POMP: variants seen among roughly 807,000 people sequenced by gnomAD.
POMP encodes 2510048O06Rik.
Under a neutral mutation model 20.6 loss-of-function variants are expected in POMP, and 12 were observed. That is an observed-to-expected ratio of 0.58 (90% CI 0.37 to 0.94). POMP has a LOEUF of 0.94. POMP is among the 40% of genes least tolerant of loss of function. The pLI, the probability that POMP is intolerant of heterozygous loss-of-function variation, is 0.01. For synonymous variants in POMP, 53 were observed against 55.0 expected, an observed-to-expected ratio of 0.96 and a Z score of 0.16; for missense variants, 136 against 161.1, an observed-to-expected ratio of 0.84 and a Z score of 0.84.
intron 5 of POMP, among the ~76,000 whole-genome samples, chr13:28,675,360 A>G (rs1201914118): frequency 6.6e-6 from 1 of 152,068 alleles, no homozygotes; most frequent in Non-Finnish European, 1.5e-5. Context: ...GCTGGTCTCA[A>G]ATTCCTGACC....
intron 4 of POMP, among the ~76,000 whole-genome samples, chr13:28,671,239 T>C (rs1771179): frequency 0.044 from 6,764 of 152,214 alleles, 507 homozygotes; most frequent in African/African-American, 0.15. Context: ...TTCTGAACCT[T>C]AGATTTTTTA....
intron 5 of POMP, among the ~76,000 whole-genome samples, chr13:28,672,659 G>A (rs1440980724): frequency 6.6e-6 from 1 of 152,174 alleles, no homozygotes; most frequent in Non-Finnish European, 1.5e-5. Context: ...CACTTTGGGA[G>A]GCCGGGGTGG....
chr13:28,663,697 T>C (rs991884837), intron 2 of POMP, among the ~76,000 whole-genome samples: 1 of 152,188 alleles, frequency 6.6e-6, no homozygotes, highest in African/African-American at 2.4e-5. Context: ...TTCAGTTTTG[T>C]AGTAAAAAAA....
At chr13:28,671,864 A>G (rs1332553757) in intron 4 of POMP, among the ~76,000 whole-genome samples, 3 of 152,144 alleles carry the variant, frequency 2.0e-5, no homozygotes, top group Admixed American at 6.6e-5. Flanking sequence ...CTGTGGGAAT[A>G]TCAAAAATTA....
chr13:28,668,654 C>T (rs1193573149), intron 4 of POMP, 80 bp downstream of exon 4: 2 of 1,068,446 alleles, frequency 1.9e-6, no homozygotes, highest in Non-Finnish European at 2.9e-6. Context: ...CTATTTATAC[C>T]TTATCTACCT....
intron 5 of POMP, among the ~76,000 whole-genome samples, chr13:28,673,070 C>CTT (rs34619603): frequency 0.013 from 1,611 of 126,494 alleles, 31 homozygotes; most frequent in African/African-American, 0.042. Flanking sequence ...AGGAATCTGT[C>CTT]TTTTTTTTTT....
Position 28,668,578 on chromosome 13 carries a change from A to G in POMP, c.264+4A>G, listed in dbSNP as rs774295421. 2 of 1,578,346 alleles carry G rather than the reference A, an allele frequency of 1.3e-6. No homozygotes were observed. Among genetic ancestry groups the G allele is most frequent in the Non-Finnish European group, 1.7e-6 (2 of 1,147,548 alleles). Reference sequence around the variant, plus strand: ...GGAATTCAAGGCAGTGCAGCAGGTGAGTTGATGGATCTCTGTTGCATATGT... The same window carrying G: ...GGAATTCAAGGCAGTGCAGCAGGTGGGTTGATGGATCTCTGTTGCATATGT... On this transcript the variant is annotated splice_donor_region_variant and intron_variant, in intron 4 of 5. Transcript: ENST00000380842.
chr13:28,660,566 C>G (rs971274806), intron 1 of POMP, among the ~76,000 whole-genome samples: 1 of 152,170 alleles, frequency 6.6e-6, no homozygotes, highest in Non-Finnish European at 1.5e-5. Flanking sequence ...GTAACCCCAT[C>G]ATAAGTCAAG....
chr13:28,670,429 C>T (rs1446244630), intron 4 of POMP, among the ~76,000 whole-genome samples: 1 of 152,166 alleles, frequency 6.6e-6, no homozygotes, highest in Non-Finnish European at 1.5e-5. Flanking sequence ...GGTCCTTGCC[C>T]CTGTCAGACT....
Position 28,668,497 on chromosome 13 carries a change from A to C in POMP, c.187A>C (p.Asn63His). The C allele has an allele frequency of 6.2e-7, 1 of 1,611,098 alleles. No individual in the cohort carries two copies. ...KNFQLNQDKM[N>H]FSTLRNIQGL... Reference sequence around the variant, plus strand: ...GTTCCAGCTCAACCAAGATAAAATGAATTTTTCCACACTGAGAAACATTCA... The same window carrying C: ...GTTCCAGCTCAACCAAGATAAAATGCATTTTTCCACACTGAGAAACATTCA... The change falls in exon 4 of 6, where the codon AAT becomes CAT. Residue 63 changes from asparagine to histidine, a missense_variant. Physicochemically the swap from Asn to His is moderately conservative, Grantham distance 68. Coordinates refer to ENST00000380842, the MANE Select transcript of POMP (RefSeq NM_015932.6).
At chr13:28,659,938 T>TTA (rs1404906331) in intron 1 of POMP, 3 of 152,220 alleles carry the variant, frequency 2.0e-5, no homozygotes, top group Non-Finnish European at 4.4e-5. Flanking sequence ...TGCTAATCGT[T>TTA]ATCTAAAAAG....
At chr13:28,672,295 CCT>C (rs747007213) in intron 4 of POMP, 42 bp from the exon 5 acceptor site, 2 of 1,410,834 alleles carry the variant, frequency 1.4e-6, no homozygotes, top group South Asian at 1.2e-5. Flanking sequence ...GTCATTTTCC[CCT>C]GAGTTTTTTC....
chr13:28,666,925 T>G (rs1482644982), intron 3 of POMP, among the ~76,000 whole-genome samples: 1 of 152,136 alleles, frequency 6.6e-6, no homozygotes, highest in Non-Finnish European at 1.5e-5. Context: ...GATGTAATAT[T>G]GGCATCTATG....
chr13:28,665,793 T>C (rs753223543), intron 3 of POMP, among the ~76,000 whole-genome samples: 29 of 152,330 alleles, frequency 1.9e-4, no homozygotes, highest in Admixed American at 4.6e-4. Flanking sequence ...GATCAAATTA[T>C]CTGACAAGGG....
chr13:28,661,169 G>A (rs1430916915), intron 1 of POMP, among the ~76,000 whole-genome samples: 1 of 152,156 alleles, frequency 6.6e-6, no homozygotes, highest in Non-Finnish European at 1.5e-5. Context: ...GTGATTTAAA[G>A]TTAGCGTCTT....
Position 28,659,193 on chromosome 13 carries a change from T to G in POMP, c.3+6T>G. On this transcript the variant is annotated splice_donor_region_variant and intron_variant, in intron 1 of 5. Transcript: ENST00000380842. Reference sequence around the variant, plus strand: ...TCGCAGAGCTGCGGAAGATGGTGAGTGGGTACCCGGGCGGCTGGAGTTCCA... The same window carrying G: ...TCGCAGAGCTGCGGAAGATGGTGAGGGGGTACCCGGGCGGCTGGAGTTCCA... 1 of 1,590,132 alleles carries G rather than the reference T, an allele frequency of 6.3e-7. No individual in the cohort carries two copies. The highest frequency in any genetic ancestry group is 8.6e-7 in the Non-Finnish European group (1 of 1,169,394).
At chr13:28,672,317 C>G (rs1884562751) in intron 4 of POMP, 22 bp from the exon 5 acceptor site, 3 of 1,522,672 alleles carry the variant, frequency 2.0e-6, no homozygotes, top group Non-Finnish European at 2.7e-6. Flanking sequence ...CTAATCTTGT[C>G]CCTTCATACT....
chr13:28,678,087 A>G lies in POMP; in HGVS notation c.411A>G (p.Lys137=). Residue 137 remains lysine (K), a synonymous_variant, in exon 6 of 6, where the codon AAA becomes AAG. Transcript: ENST00000380842. ...AGCCACACTTGATGGTGGAATATAA[A>G]CTTGGTTTACTGTAATAGTGTGCTG... ...MGEPHLMVEY[K]LGLL 1 of 1,613,978 alleles carries G rather than the reference A, an allele frequency of 6.2e-7. No homozygotes were observed. Among genetic ancestry groups the G allele is most frequent in the African/African-American group, 1.3e-5 (1 of 75,038 alleles).
At chr13:28,665,676 G>A (rs532577039) in intron 3 of POMP, among the ~76,000 whole-genome samples, 1 of 152,352 alleles carries the variant, frequency 6.6e-6, no homozygotes, top group East Asian at 1.9e-4. Flanking sequence ...TATTGAGTGA[G>A]CTGTGAGCAT....
Sources: gnomAD v4.1 joint callset for allele counts (sites outside exome capture counted in the v4.1 genomes callset) on GRCh38, gnomAD v4.1.1 for gene constraint, MANE v1.5 for transcripts, NCBI Gene and HGNC (gene_info 2026-07-23, HGNC 2026-07-21) for gene names.